ZNF292: variants seen among roughly 807,000 people sequenced by gnomAD.
The protein encoded by ZNF292 is zinc finger protein 292.
Under a neutral mutation model 217.9 loss-of-function variants are expected in ZNF292, and 26 were observed. That is an observed-to-expected ratio of 0.12 (90% confidence interval 0.09 to 0.17). The LOEUF (loss-of-function observed/expected upper bound fraction) is 0.17. Among genes scored for constraint, ZNF292 ranks in the 10% least tolerant of loss-of-function variants. The pLI is 1.00. For missense variants in ZNF292, 2,904 were observed against 3,175.2 expected, an observed-to-expected ratio of 0.91 and a Z score of 2.05; for synonymous variants, 1,257 against 1,124.1, an observed-to-expected ratio of 1.12 and a Z score of -2.37.
Position 87,210,095 on chromosome 6 carries a change from A to G in ZNF292, c.169-5808A>G, listed in dbSNP as rs1209478320. ...TTTCCCTCGTGGTAATCCTTAGGGC[A>G]ACTAAAGGAAGCTATCAGAAGTTAA... On this transcript the variant is annotated intron_variant, in intron 1 of 7. Transcript: ENST00000369577. 6.6e-5 allele frequency among the ~76,000 whole-genome samples: 10 copies of G among 152,284 alleles called. No individual in the cohort carries two copies. In the East Asian group the frequency reaches 1.3e-3, roughly 21 times the overall value.
chr6:87,219,959 T>G (rs529483574), intron 4 of ZNF292, among the ~76,000 whole-genome samples: 52 of 152,290 alleles, frequency 3.4e-4, no homozygotes, highest in African/African-American at 1.2e-3. Flanking sequence ...TAGCTGGGAC[T>G]GCAGACACAT....
chr6:87,182,788 C>G (rs1026450451), intron 1 of ZNF292, among the ~76,000 whole-genome samples: 6 of 152,242 alleles, frequency 3.9e-5, no homozygotes, highest in Non-Finnish European at 8.8e-5. Context: ...AAGTAATGAA[C>G]CTGCATTTTG....
At position 87,260,987 on chromosome 6, in the gene ZNF292, C is replaced by T. The variant is rs1432422417; in HGVS notation, c.7358C>T (p.Thr2453Met). ...AAGAATGATGTGAAAGATTCTGACA[C>T]GTGTGTATCAGAGAGCAATGATAAT... ...GAKNDVKDSDTCVSESNDNSR... is the reference protein window; with the variant it reads ...GAKNDVKDSDMCVSESNDNSR... The change falls in exon 8 of 8, where the codon ACG (threonine) becomes ATG (methionine). Residue 2453 changes from threonine (T) to methionine (M), a missense_variant. Thr to Met is a moderately conservative substitution (Grantham distance 81). Transcript: ENST00000369577. 13 of 1,607,266 alleles carry T rather than the reference C, an allele frequency of 8.1e-6. No homozygotes were observed. The East Asian group carries it at 8.9e-5, about 11-fold the overall frequency.
At chr6:87,176,641 A>G (rs1219193696) in intron 1 of ZNF292, among the ~76,000 whole-genome samples, 3 of 152,070 alleles carry the variant, frequency 2.0e-5, no homozygotes, top group African/African-American at 4.8e-5. Context: ...TTCACTCTTC[A>G]CTAGCAACAC....
chr6:87,166,267 A>C (rs560693758), intron 1 of ZNF292, among the ~76,000 whole-genome samples: 1 of 152,200 alleles, frequency 6.6e-6, no homozygotes, highest in Non-Finnish European at 1.5e-5. Flanking sequence ...CCTCACAAGC[A>C]TATCTGTTCA....
At position 87,216,297 on chromosome 6, in the gene ZNF292, A is replaced by G. The variant is rs1772772504; in HGVS notation, c.324-2A>G. 6.4e-7 allele frequency: 1 copy of G among 1,569,958 alleles called. No homozygotes were observed. Among genetic ancestry groups the G allele is most frequent in the Admixed American group, 1.9e-5 (1 of 53,456 alleles). On this transcript the variant is annotated splice_acceptor_variant, in intron 2 of 7. Transcript: ENST00000369577. LOFTEE classifies it high-confidence loss of function. Reference sequence around the variant, plus strand: ...TCTCCTTACCAACTTTTTGTTTTTTAGAAGCTGTGTTGAACTTTTACTGTG... The same window carrying G: ...TCTCCTTACCAACTTTTTGTTTTTTGGAAGCTGTGTTGAACTTTTACTGTG...
intron 1 of ZNF292, among the ~76,000 whole-genome samples, chr6:87,172,436 A>T (rs1027420956): frequency 6.6e-6 from 1 of 152,200 alleles, no homozygotes; most frequent in East Asian, 1.9e-4. Context: ...GGTGGGAAAG[A>T]ATAGTGAGTA....
intron 1 of ZNF292, among the ~76,000 whole-genome samples, chr6:87,180,148 CGCAAA>C (rs1473045323): frequency 6.6e-6 from 1 of 152,134 alleles, no homozygotes; most frequent in Non-Finnish European, 1.5e-5. Flanking sequence ...TGAGCTGAAT[CGCAAA>C]ACAAAACAAA....
At position 87,256,114 on chromosome 6, in the gene ZNF292, G is replaced by A. The variant is rs761608303; in HGVS notation, c.2485G>A (p.Asp829Asn). The A allele has an allele frequency of 1.2e-6, 2 of 1,613,584 alleles. No individual in the cohort carries two copies. Among genetic ancestry groups the A allele is most frequent in the Non-Finnish European group, 8.5e-7 (1 of 1,179,762 alleles). Residue 829 changes from aspartate (D) to asparagine (N), a missense_variant, in exon 8 of 8, where the codon GAT becomes AAT. Asp to Asn is a conservative substitution (Grantham distance 23, BLOSUM62 1). This residue lies in a region of ZNF292 where 687 missense variants were observed against 623.0 expected (regional missense o/e 1.10). Coordinates refer to ENST00000369577, the MANE Select transcript of ZNF292 (RefSeq NM_015021.3). ...TCAGGGTGAGCTGGAAAAGCATCTG[G>A]ATGATCACAGTACTCCTCCTGAAAA... The part of the protein sequence containing the change: ...RSQGELEKHL[D>N]DHSTPPEKVL...
intron 1 of ZNF292, among the ~76,000 whole-genome samples, chr6:87,181,415 T>A (rs1006119269): frequency 6.6e-6 from 1 of 152,164 alleles, no homozygotes; most frequent in Non-Finnish European, 1.5e-5. Flanking sequence ...TCTGCCGCTC[T>A]CCACCGCTTC....
chr6:87,233,677 A>G (rs1052978357), intron 5 of ZNF292, 150 bp downstream of exon 5: 241 of 1,406,930 alleles, frequency 1.7e-4, no homozygotes, highest in East Asian at 1.2e-3. Context: ...TGGCAACTTG[A>G]TTCTAAGTAG....
intron 1 of ZNF292, among the ~76,000 whole-genome samples, chr6:87,188,342 C>T (rs947897612): frequency 7.9e-5 from 12 of 152,162 alleles, no homozygotes; most frequent in Non-Finnish European, 1.8e-4. Context: ...ATACCTTGAG[C>T]AAAGAGAAAT....
chr6:87,243,456 C>G lies in ZNF292; in HGVS notation c.742-19C>G. The G allele has an allele frequency of 6.5e-7, 1 of 1,529,386 alleles. No homozygotes were observed. Among genetic ancestry groups the G allele is most frequent in the Non-Finnish European group, 8.8e-7 (1 of 1,139,122 alleles). 94.7% of individuals were successfully genotyped at this position (1,529,386 alleles called of 1,614,324 possible). A position where few individuals can be genotyped will look rare whatever the true frequency, so the allele number is the denominator to read the frequency against. On this transcript the variant is annotated intron_variant, in intron 5 of 7. Coordinates refer to ENST00000369577, the MANE Select transcript of ZNF292 (RefSeq NM_015021.3). ...TATAAAACCATTTTGTGGCATATTT[C>G]TATTGGCTTTTTCTTTAGATTTCAG...
intron 5 of ZNF292, among the ~76,000 whole-genome samples, chr6:87,235,712 A>G (rs1176425669): frequency 6.6e-6 from 1 of 152,202 alleles, no homozygotes; most frequent in African/African-American, 2.4e-5. Context: ...AATTCTGTGA[A>G]GACCCTGGGT....
intron 4 of ZNF292, among the ~76,000 whole-genome samples, chr6:87,229,126 GCCT>G (rs1773519089): frequency 1.3e-5 from 2 of 151,834 alleles, no homozygotes; most frequent in South Asian, 4.2e-4. Context: ...CAGGTCTTTC[GCCT>G]CCTCCTTGGT....
At chr6:87,230,465 G>T (rs1365355159) in intron 4 of ZNF292, among the ~76,000 whole-genome samples, 1 of 152,088 alleles carries the variant, frequency 6.6e-6, no homozygotes, top group Non-Finnish European at 1.5e-5. Context: ...CCGGCGTGGG[G>T]GCTCACACCT....
At position 87,265,735 on chromosome 6, in the gene ZNF292, G is replaced by A. The variant is rs759052470; in HGVS notation, c.*3934G>A. Among the ~76,000 whole-genome samples, 1 of 152,200 alleles carries A rather than the reference G, an allele frequency of 6.6e-6. No individual in the cohort carries two copies. Among genetic ancestry groups the A allele is most frequent in the Non-Finnish European group, 1.5e-5 (1 of 68,030 alleles). ...AAATGGCATTTATTCAACCAGGACT[G>A]ATAATCAACGTGTACACCAATTCAA... On this transcript the variant is annotated 3_prime_UTR_variant, in exon 8 of 8. Transcript: ENST00000369577.
At chr6:87,187,370 G>T (rs566836369) in intron 1 of ZNF292, among the ~76,000 whole-genome samples, 1 of 151,964 alleles carries the variant, frequency 6.6e-6, no homozygotes, top group African/African-American at 2.4e-5. Flanking sequence ...AAATCTTAAT[G>T]CTTAGCCAGA....
chr6:87,155,798 T>G (rs1466935678), intron 1 of ZNF292, 39 bp downstream of exon 1: 1 of 1,539,910 alleles, frequency 6.5e-7, no homozygotes, highest in Admixed American at 2.0e-5. Context: ...TTTCCCCAGC[T>G]AGAGGGGGAA....
Sources: gnomAD v4.1 joint callset for allele counts (sites outside exome capture counted in the v4.1 genomes callset) on GRCh38, gnomAD v4.1.1 for gene constraint, gnomAD v4.1.1 regional missense constraint, MANE v1.5 for transcripts, NCBI Gene and HGNC (gene_info 2026-07-23, HGNC 2026-07-21) for gene names.